NEDD4: variants seen among roughly 807,000 people sequenced by gnomAD.
The protein encoded by NEDD4 is NEDD4 E3 ubiquitin protein ligase, also known as E3 ubiquitin-protein ligase NEDD4.
Under a neutral mutation model 144.9 loss-of-function variants are expected in NEDD4, and 99 were observed. The ratio of observed to expected loss-of-function variants is 0.68; its 90% CI spans 0.58 to 0.81. NEDD4 has a LOEUF of 0.81. Ranked by LOEUF, NEDD4 falls within the 30% of genes least tolerant of loss-of-function variation. NEDD4 has a pLI of 0.00. For missense variants in NEDD4, 985 were observed against 1,065.9 expected, an observed-to-expected ratio of 0.92 and a Z score of 1.06; for synonymous variants, 318 against 350.6, an observed-to-expected ratio of 0.91 and a Z score of 1.04.
chr15:55,972,971 C>T (rs749838184), intron 1 of NEDD4, among the ~76,000 whole-genome samples: 2 of 152,138 alleles, frequency 1.3e-5, no homozygotes, highest in Non-Finnish European at 2.9e-5. Flanking sequence ...CACTGAAATA[C>T]CCAGTTATAT....
chr15:55,834,192 C>T lies in NEDD4; in HGVS notation c.2322+35G>A, dbSNP rs776623739. The stretch of plus-strand genomic sequence containing the variant: ...ATAAACAAGGAAAATAATGGGTTCA[C>T]AATTTCTGTTTCAACATAAAATGTT... On this transcript the variant is annotated intron_variant, in intron 25 of 28. Transcript: ENST00000435532. The T allele has an allele frequency of 3.1e-6, 5 of 1,607,374 alleles. No individual in the cohort carries two copies. The South Asian group carries it at 4.4e-5, about 14-fold the overall frequency.
intron 1 of NEDD4, among the ~76,000 whole-genome samples, chr15:55,969,752 T>G (rs1435171975): frequency 2.0e-5 from 3 of 151,942 alleles, no homozygotes; most frequent in Admixed American, 1.3e-4. Flanking sequence ...TGAATAAACA[T>G]CGGGGTAGCC....
Position 55,862,927 on chromosome 15 carries a change from T to C in NEDD4, c.660A>G (p.Lys220=). The C allele has an allele frequency of 6.2e-7, 1 of 1,605,472 alleles. No individual in the cohort carries two copies. Reference sequence around the variant, plus strand: ...TCAGCACATACTGAGGGGTTGGTCTTTTCCACTGTGTTCTTCTAGATTCAT... The same window carrying C: ...TCAGCACATACTGAGGGGTTGGTCTCTTCCACTGTGTTCTTCTAGATTCAT... ...VNHESRRTQW[K]RPTPQDNLTD... Residue 220 remains lysine, a synonymous_variant, in exon 9 of 29, where the codon AAA becomes AAG. Coordinates refer to ENST00000435532, the MANE Select transcript of NEDD4 (RefSeq NM_006154.4).
Position 55,916,536 on chromosome 15 carries a change from T to C in NEDD4, c.291+8110A>G, listed in dbSNP as rs370123066. On this transcript the variant is annotated intron_variant, in intron 5 of 28. Transcript: ENST00000435532. ...AGCTAAGACATTGCTAGACTGAAGA[T>C]ATCCACTGTACCTTGTTGGCTGTAG... is the stretch of plus-strand genomic sequence containing the variant. The C allele has an allele frequency of 6.6e-5, 106 of 1,613,996 alleles. No individual in the cohort carries two copies. The highest frequency in any genetic ancestry group is 8.6e-5 in the Non-Finnish European group (102 of 1,179,958).
At chr15:55,845,730 A>T (rs1235706680) in intron 18 of NEDD4, among the ~76,000 whole-genome samples, 1 of 152,118 alleles carries the variant, frequency 6.6e-6, no homozygotes, top group African/African-American at 2.4e-5. Flanking sequence ...TTAAAATCCC[A>T]AAGTCTAGAA....
At chr15:55,874,373 A>G (rs1157807579) in intron 5 of NEDD4, among the ~76,000 whole-genome samples, 1 of 152,178 alleles carries the variant, frequency 6.6e-6, no homozygotes, top group African/African-American at 2.4e-5. Context: ...AGTATTCTAC[A>G]GTCCACATAA....
intron 12 of NEDD4, among the ~76,000 whole-genome samples, chr15:55,853,555 AAC>A (rs1207399946): frequency 1.3e-5 from 2 of 152,238 alleles, no homozygotes; most frequent in Non-Finnish European, 2.9e-5. Flanking sequence ...CAGGTAATCT[AAC>A]AACAGAAATC....
chr15:55,979,068 A>AT (rs2037753285), intron 1 of NEDD4, among the ~76,000 whole-genome samples: 3 of 151,092 alleles, frequency 2.0e-5, no homozygotes, highest in Non-Finnish European at 4.4e-5. Flanking sequence ...TATTTTTAAA[A>AT]ATATATATAT....
At chr15:55,860,359 G>A in intron 11 of NEDD4, 48 bp downstream of exon 11, 2 of 1,571,610 alleles carry the variant, frequency 1.3e-6, no homozygotes, top group Non-Finnish European at 1.7e-6. Context: ...AGTATAATAT[G>A]CATAATATAA....
intron 5 of NEDD4, among the ~76,000 whole-genome samples, chr15:55,886,889 A>G (rs2035411009): frequency 6.6e-6 from 1 of 152,160 alleles, no homozygotes; most frequent in African/African-American, 2.4e-5. Flanking sequence ...ATGCTCCTGA[A>G]TGAATGAACA....
intron 18 of NEDD4, among the ~76,000 whole-genome samples, chr15:55,844,954 T>A (rs1330804772): frequency 6.6e-6 from 1 of 152,122 alleles, no homozygotes; most frequent in Non-Finnish European, 1.5e-5. Flanking sequence ...ATTACAGGCA[T>A]GAACCACTGC....
intron 5 of NEDD4, among the ~76,000 whole-genome samples, chr15:55,908,813 G>C (rs1318973802): frequency 6.6e-6 from 1 of 152,134 alleles, no homozygotes; most frequent in Non-Finnish European, 1.5e-5. Flanking sequence ...GCTGAGGCAA[G>C]AGGATTGCTT....
chr15:55,946,623 C>T (rs1336925836), intron 4 of NEDD4, among the ~76,000 whole-genome samples: 1 of 152,134 alleles, frequency 6.6e-6, no homozygotes, highest in Non-Finnish European at 1.5e-5. Context: ...ACAAGGATAT[C>T]CAGGAATTGA....
chr15:55,915,489 T>G (rs765130145), intron 5 of NEDD4: 1 of 1,613,770 alleles, frequency 6.2e-7, no homozygotes, highest in East Asian at 2.2e-5. Flanking sequence ...ACCATGGTTT[T>G]TGTTCATCTG....
intron 11 of NEDD4, among the ~76,000 whole-genome samples, chr15:55,856,550 C>G (rs957664897): frequency 6.6e-6 from 1 of 151,882 alleles, no homozygotes; most frequent in Non-Finnish European, 1.5e-5. Flanking sequence ...GCAGCAATAT[C>G]CTAAGAGGTT....
intron 5 of NEDD4, chr15:55,915,459 G>T (rs1206060153): frequency 5.6e-6 from 9 of 1,613,772 alleles, no homozygotes; most frequent in Non-Finnish European, 6.8e-6. Context: ...TCCTCCCAAT[G>T]AAATACTTCT....
chr15:55,938,492 A>G (rs2036934805), intron 4 of NEDD4, among the ~76,000 whole-genome samples: 1 of 152,160 alleles, frequency 6.6e-6, no homozygotes, highest in Admixed American at 6.5e-5. Flanking sequence ...ACAAGACCCG[A>G]CACTGTAAAA....
At chr15:55,978,557 T>C (rs76067919) in intron 1 of NEDD4, among the ~76,000 whole-genome samples, 9,707 of 152,200 alleles carry the variant, frequency 0.064, 400 homozygotes, top group Admixed American at 0.11. Flanking sequence ...TGAGCACTAT[T>C]AACAGAAATC....
intron 4 of NEDD4, among the ~76,000 whole-genome samples, chr15:55,938,266 G>T (rs2036929917): frequency 6.6e-6 from 1 of 152,220 alleles, no homozygotes; most frequent in Admixed American, 6.5e-5. Flanking sequence ...AGCTGAGGCA[G>T]GAGAATCATT....
Sources: allele counts gnomAD v4.1 joint callset (sites outside exome capture counted in the v4.1 genomes callset), GRCh38; gene constraint gnomAD v4.1.1; transcripts MANE v1.5; gene names NCBI Gene and HGNC (gene_info 2026-07-23, HGNC 2026-07-21).